RORA: variants seen among roughly 807,000 people sequenced by gnomAD.
RORA encodes nuclear receptor ROR-alpha.
A neutral mutation model predicts 69.5 loss-of-function variants in RORA; 7 were observed. That is an observed-to-expected ratio of 0.10 (90% CI 0.06 to 0.19). The LOEUF is 0.19. Among genes scored for constraint, RORA ranks in the 10% least tolerant of loss-of-function variants. The pLI, the probability that RORA is intolerant of heterozygous loss-of-function variation, is 1.00. For synonymous variants in RORA, 261 were observed against 240.8 expected (o/e 1.08, Z -0.78); for missense variants, 457 against 663.0 (o/e 0.69, Z 3.41).
chr15:60,855,141 C>A (rs527681888), intron 1 of RORA, among the ~76,000 whole-genome samples: 2 of 152,192 alleles, frequency 1.3e-5, no homozygotes, highest in Admixed American at 6.5e-5. Flanking sequence ...CATATAACTT[C>A]TTGGGAGACA....
At position 60,910,234 on chromosome 15, in the gene RORA, T is replaced by C. The variant is rs566160136; in HGVS notation, c.167-231548A>G. Among the ~76,000 whole-genome samples, 26 of 152,296 alleles carry C rather than the reference T, an allele frequency of 1.7e-4. No homozygotes were observed. The South Asian group carries it at 5.4e-3, about 32-fold the overall frequency. On this transcript the variant is annotated intron_variant, in intron 1 of 10. Transcript: ENST00000335670. ...AGATATGTGAACTCTTGAGACTAAT[T>C]GGAAGGGGAAATGTCAATGTTGACA...
At chr15:60,801,097 A>T (rs752526428) in intron 1 of RORA, among the ~76,000 whole-genome samples, 2 of 152,230 alleles carry the variant, frequency 1.3e-5, no homozygotes, top group Non-Finnish European at 2.9e-5. Context: ...AGACCACAAA[A>T]TAGAGTGGCA....
At chr15:61,109,973 A>C (rs1333741958) in intron 1 of RORA, among the ~76,000 whole-genome samples, 1 of 152,224 alleles carries the variant, frequency 6.6e-6, no homozygotes, top group Non-Finnish European at 1.5e-5. Context: ...GTCCCACAGG[A>C]TTATAATGAA....
chr15:60,813,348 T>C (rs2072768983), intron 1 of RORA, among the ~76,000 whole-genome samples: 1 of 152,254 alleles, frequency 6.6e-6, no homozygotes, highest in African/African-American at 2.4e-5. Flanking sequence ...AACACCTTTC[T>C]GTATCTTCAT....
chr15:60,723,952 T>G (rs1276169716), intron 1 of RORA, among the ~76,000 whole-genome samples: 1 of 152,218 alleles, frequency 6.6e-6, no homozygotes, highest in Non-Finnish European at 1.5e-5. Flanking sequence ...CCCTTGACCT[T>G]ATCTTAGAGA....
intron 1 of RORA, among the ~76,000 whole-genome samples, chr15:60,792,337 T>A (rs926054851): frequency 3.9e-5 from 6 of 152,098 alleles, no homozygotes; most frequent in African/African-American, 1.4e-4. Context: ...TATACATATA[T>A]GAAATAGCAA....
chr15:60,872,792 T>C (rs2073571173), intron 1 of RORA, among the ~76,000 whole-genome samples: 1 of 151,048 alleles, frequency 6.6e-6, no homozygotes, highest in Non-Finnish European at 1.5e-5. Context: ...ACAAGCTCCT[T>C]CACATCTGCC....
At chr15:60,943,916 C>A (rs1241020344) in intron 1 of RORA, among the ~76,000 whole-genome samples, 9 of 32,356 alleles carry the variant, frequency 2.8e-4, no homozygotes, top group Admixed American at 4.4e-4. Context: ...ACTCCATCTC[C>A]AAAAAAAAAA....
chr15:60,551,453 A>G (rs1289631827), intron 2 of RORA, among the ~76,000 whole-genome samples: 1 of 152,178 alleles, frequency 6.6e-6, no homozygotes, highest in Non-Finnish European at 1.5e-5. Context: ...GAAATTAAAC[A>G]TAGTTTGGGA....
intron 1 of RORA, among the ~76,000 whole-genome samples, chr15:60,824,407 C>T (rs2072931344): frequency 6.6e-6 from 1 of 151,464 alleles, no homozygotes; most frequent in Non-Finnish European, 1.5e-5. Flanking sequence ...GTTTTGCTGA[C>T]AGAAGACAAC....
intron 1 of RORA, among the ~76,000 whole-genome samples, chr15:60,835,881 A>G (rs1340348688): frequency 6.6e-6 from 1 of 152,236 alleles, no homozygotes; most frequent in Non-Finnish European, 1.5e-5. Flanking sequence ...AAGAATTGGC[A>G]TTGATATGAA....
intron 1 of RORA, among the ~76,000 whole-genome samples, chr15:61,118,616 A>AG (rs2079071698): frequency 1.3e-5 from 2 of 152,076 alleles, no homozygotes; most frequent in East Asian, 3.9e-4. Context: ...TAGGGGAAAG[A>AG]GAAAAAAAAG....
intron 1 of RORA, among the ~76,000 whole-genome samples, chr15:61,146,240 T>C (rs1207518974): frequency 2.6e-5 from 4 of 152,166 alleles, no homozygotes; most frequent in African/African-American, 4.8e-5. Flanking sequence ...ACTGACACTG[T>C]TTATCACTTC....
rs192633221 is a variant in RORA, at chr15:60,749,467, T to C, written c.167-70781A>G. On this transcript the variant is annotated intron_variant, in intron 1 of 10. Transcript: ENST00000335670. Reference sequence around the variant, plus strand: ...ATATGTAGTCAAATATTGAACTGTTTTAGCTATTTTAGGAGATTAATTTAC... The same window carrying C: ...ATATGTAGTCAAATATTGAACTGTTCTAGCTATTTTAGGAGATTAATTTAC... Among the ~76,000 whole-genome samples, 3 of 152,338 alleles carry C rather than the reference T, an allele frequency of 2.0e-5. No homozygotes were observed. In the East Asian group the frequency reaches 5.8e-4, roughly 29 times the overall value.
intron 1 of RORA, among the ~76,000 whole-genome samples, chr15:61,214,941 T>C (rs909114307): frequency 6.9e-6 from 1 of 144,842 alleles, no homozygotes; most frequent in Admixed American, 7.2e-5. Context: ...CTCGGCTCAC[T>C]GTAAGCTCCG....
chr15:60,634,123 C>G (rs1180403085), intron 2 of RORA, among the ~76,000 whole-genome samples: 1 of 152,166 alleles, frequency 6.6e-6, no homozygotes, highest in African/African-American at 2.4e-5. Flanking sequence ...GTGATAATCT[C>G]TGGGTGGGGT....
At chr15:61,199,094 C>T (rs2079872420) in intron 1 of RORA, among the ~76,000 whole-genome samples, 1 of 152,184 alleles carries the variant, frequency 6.6e-6, no homozygotes, top group Admixed American at 6.5e-5. Flanking sequence ...GCTGAATTAT[C>T]AGACAAAGAA....
At chr15:60,911,457 C>A (rs993475909) in intron 1 of RORA, among the ~76,000 whole-genome samples, 1 of 152,142 alleles carries the variant, frequency 6.6e-6, no homozygotes, top group Non-Finnish European at 1.5e-5. Flanking sequence ...TAGTTGCCTT[C>A]CTGTTGTGAT....
intron 2 of RORA, among the ~76,000 whole-genome samples, chr15:60,568,534 C>G (rs2067782364): frequency 6.6e-6 from 1 of 152,168 alleles, no homozygotes; most frequent in South Asian, 2.1e-4. Flanking sequence ...GGAAGAAGCC[C>G]CTTTTCTCTG....
Sources: allele counts gnomAD v4.1 joint callset (sites outside exome capture counted in the v4.1 genomes callset), GRCh38; gene constraint gnomAD v4.1.1; transcripts MANE v1.5; gene names NCBI Gene and HGNC (gene_info 2026-07-23, HGNC 2026-07-21).